Variants in LDAH observed in about 807,000 individuals in gnomAD.
The protein encoded by LDAH is lipid droplet associated hydrolase, also known as lipid droplet-associated hydrolase.
In LDAH, 26 loss-of-function variants were observed where a neutral mutation model predicts 29.6. That is an observed-to-expected ratio of 0.88 (90% CI 0.64 to 1.22). The LOEUF is 1.22. Ranked by LOEUF, LDAH falls within the 50% of genes most tolerant of loss-of-function variation. The pLI is 0.00. For missense variants in LDAH, 344 were observed against 387.3 expected (o/e 0.89, Z 0.94); for synonymous variants, 117 against 133.0 (o/e 0.88, Z 0.83).
intron 4 of LDAH, among the ~76,000 whole-genome samples, chr2:20,744,932 C>T (rs144582448): frequency 7.2e-5 from 11 of 152,176 alleles, no homozygotes; most frequent in Non-Finnish European, 1.5e-4. Flanking sequence ...TTGTGGCTCT[C>T]GGTATTTGCC....
chr2:20,801,307 C>A lies in LDAH; in HGVS notation c.154+3G>T, dbSNP rs748058093. ...GTCTCCTCACCCAGACTTTTACGCT[C>A]ACCAGGAATAATGAAAATAAGCAGC... On this transcript the variant is annotated splice_donor_region_variant and intron_variant, in intron 2 of 6. Coordinates refer to ENST00000237822, the MANE Select transcript of LDAH (RefSeq NM_021925.4). The A allele has an allele frequency of 6.2e-7, 1 of 1,613,048 alleles. No individual in the cohort carries two copies. The highest frequency in any genetic ancestry group is 1.7e-5 in the Admixed American group (1 of 59,852).
chr2:20,727,958 G>T (rs1666129579), intron 5 of LDAH, among the ~76,000 whole-genome samples: 1 of 152,196 alleles, frequency 6.6e-6, no homozygotes, highest in Admixed American at 6.5e-5. Flanking sequence ...TACTAGAGAA[G>T]AACGCTAATG....
At chr2:20,791,913 C>T (rs16982023) in intron 2 of LDAH, among the ~76,000 whole-genome samples, 7,051 of 152,224 alleles carry the variant, frequency 0.046, 236 homozygotes, top group African/African-American at 0.079. Context: ...CATTCACTTG[C>T]TAATTCTGAT....
chr2:20,685,518 C>T lies in LDAH; in HGVS notation c.*1385G>A. The stretch of plus-strand genomic sequence containing the variant: ...ACTTGCTGTGATGTAGAAGCTATGC[C>T]AAAGCACAGTAACTCATTCAGCACT... On this transcript the variant is annotated 3_prime_UTR_variant, in exon 7 of 7. Coordinates refer to ENST00000237822, the MANE Select transcript of LDAH (RefSeq NM_021925.4). The T allele has an allele frequency of 6.5e-7, 1 of 1,548,180 alleles. No homozygotes were observed. The highest frequency in any genetic ancestry group is 1.2e-5 in the South Asian group (1 of 83,610).
At chr2:20,788,821 T>C (rs547723122) in intron 3 of LDAH, 2 of 269,128 alleles carry the variant, frequency 7.4e-6, no homozygotes, top group East Asian at 2.3e-4. Flanking sequence ...GCTGTACTTT[T>C]ATAAAGTTAT....
At chr2:20,813,878 A>C (rs1466228992) in intron 1 of LDAH, among the ~76,000 whole-genome samples, 2 of 152,078 alleles carry the variant, frequency 1.3e-5, no homozygotes, top group African/African-American at 4.8e-5. Flanking sequence ...TTGTCTCTTC[A>C]TATCATTTGT....
At chr2:20,780,752 A>T (rs1245453239) in intron 3 of LDAH, among the ~76,000 whole-genome samples, 1 of 152,156 alleles carries the variant, frequency 6.6e-6, no homozygotes, top group Non-Finnish European at 1.5e-5. Context: ...AATTTGCTTG[A>T]TTCCTAACTT....
rs1472133063 is a variant in LDAH at position 20,782,297 on chromosome 2, CTCTGAG to C, written c.299-7324_299-7319del. On this transcript the variant is annotated intron_variant, in intron 3 of 6. Coordinates refer to ENST00000237822, the MANE Select transcript of LDAH (RefSeq NM_021925.4). ...TGAGAACACCTGATCAAGGGTGATC[CTCTGAG>C]TCTGTTTTCAACTTTCAAAGTTGCC... Among the ~76,000 whole-genome samples, 14 of 152,294 alleles carry C rather than the reference CTCTGAG, an allele frequency of 9.2e-5. No individual in the cohort carries two copies. The East Asian group carries it at 2.7e-3, about 29-fold the overall frequency.
intron 6 of LDAH, among the ~76,000 whole-genome samples, chr2:20,689,550 A>C (rs2149327110): frequency 6.6e-6 from 1 of 152,340 alleles, no homozygotes; most frequent in African/African-American, 2.4e-5. Context: ...TCTCTCAGCA[A>C]CTACCCTGCT....
chr2:20,774,882 T>A lies in LDAH; in HGVS notation c.396A>T (p.Lys132Asn). 2 of 1,613,720 alleles carry A rather than the reference T, an allele frequency of 1.2e-6. No homozygotes were observed. Among genetic ancestry groups the A allele is most frequent in the Non-Finnish European group, 1.7e-6 (2 of 1,179,958 alleles). Residue 132 changes from lysine (K) to asparagine (N), a missense_variant, in exon 4 of 7, where the codon AAA becomes AAT. Physicochemically the swap from Lys to Asn is moderately conservative, Grantham distance 94 (BLOSUM62 0). Transcript: ENST00000237822. ...FLRTHVPKDM[K>N]LVLIGHSIGS... Reference sequence around the variant, plus strand: ...CTATTGAATGGCCAATGAGCACAAGTTTCATGTCCTTTGGCACATGAGTTC... The same window carrying A: ...CTATTGAATGGCCAATGAGCACAAGATTCATGTCCTTTGGCACATGAGTTC...
chr2:20,693,595 C>T (rs1019501777), intron 6 of LDAH, among the ~76,000 whole-genome samples: 1 of 152,176 alleles, frequency 6.6e-6, no homozygotes, highest in Non-Finnish European at 1.5e-5. Context: ...GGTGTGGATT[C>T]TATACTTCCA....
chr2:20,789,368 A>C, intron 3 of LDAH: 1 of 1,498,888 alleles, frequency 6.7e-7, no homozygotes, highest in Non-Finnish European at 8.9e-7. Flanking sequence ...GGTTTTCATC[A>C]GACATCGAAT....
intron 4 of LDAH, among the ~76,000 whole-genome samples, chr2:20,762,233 G>A (rs900889915): frequency 6.6e-6 from 1 of 151,934 alleles, no homozygotes; most frequent in African/African-American, 2.4e-5. Context: ...TTTTGCACAT[G>A]ATTTTTTCTA....
At chr2:20,701,786 A>G (rs578217201) in intron 5 of LDAH, 134 bp from the exon 6 acceptor site, 42 of 716,738 alleles carry the variant, frequency 5.9e-5, no homozygotes, top group African/African-American at 2.5e-4. Context: ...GGTGAGGCCA[A>G]CAGAGGAATG....
At chr2:20,761,423 G>C (rs1668682856) in intron 4 of LDAH, among the ~76,000 whole-genome samples, 2 of 152,132 alleles carry the variant, frequency 1.3e-5, no homozygotes, top group Non-Finnish European at 2.9e-5. Flanking sequence ...AGCCACAACA[G>C]AAAAGCTACA....
Position 20,691,120 on chromosome 2 carries a change from T to G in LDAH, c.787-4026A>C, listed in dbSNP as rs532345142. ...CAACTGGCAGGTCTTAAACTGGATATGAAAACTAATAGAGTGTGAGAGTTG... is the reference window on the plus strand; with the variant it reads ...CAACTGGCAGGTCTTAAACTGGATAGGAAAACTAATAGAGTGTGAGAGTTG... On this transcript the variant is annotated intron_variant, in intron 6 of 6. Transcript: ENST00000237822. Among the ~76,000 whole-genome samples the G allele has an allele frequency of 2.6e-5, 4 of 152,306 alleles. No individual in the cohort carries two copies. In the South Asian group the frequency reaches 8.3e-4, roughly 32 times the overall value.
intron 5 of LDAH, among the ~76,000 whole-genome samples, chr2:20,734,033 T>C (rs1666608433): frequency 1.3e-5 from 2 of 152,150 alleles, no homozygotes; most frequent in Non-Finnish European, 2.9e-5. Context: ...TTGATATCAA[T>C]TCTGTTTTGG....
chr2:20,704,258 A>C (rs7599471), intron 5 of LDAH, among the ~76,000 whole-genome samples: 50,243 of 152,052 alleles, frequency 0.33, 8,640 homozygotes, highest in African/African-American at 0.41. Flanking sequence ...AGGAGTAAAT[A>C]TTCTGCATTT....
At chr2:20,795,159 A>G (rs1671223102) in intron 2 of LDAH, among the ~76,000 whole-genome samples, 1 of 152,234 alleles carries the variant, frequency 6.6e-6, no homozygotes, top group South Asian at 2.1e-4. Flanking sequence ...GAACATGCTC[A>G]TAACAGTCAA....
Sources: allele counts gnomAD v4.1 joint callset (sites outside exome capture counted in the v4.1 genomes callset), GRCh38; gene constraint gnomAD v4.1.1; transcripts MANE v1.5; gene names NCBI Gene and HGNC (gene_info 2026-07-23, HGNC 2026-07-21).